CDH10: variants seen among roughly 807,000 people sequenced by gnomAD.
The protein encoded by CDH10 is cadherin 10, also known as cadherin-10.
A neutral mutation model predicts 73.1 loss-of-function variants in CDH10; 30 were observed. That is an observed-to-expected ratio of 0.41 (90% CI 0.31 to 0.56). The LOEUF is 0.56. CDH10 is among the 20% of genes least tolerant of loss of function. The pLI, the probability that CDH10 is intolerant of heterozygous loss-of-function variation, is 0.27. For missense variants in CDH10, 815 were observed against 973.7 expected (o/e 0.84, Z 2.17); for synonymous variants, 345 against 348.2 (o/e 0.99, Z 0.10).
intron 2 of CDH10, among the ~76,000 whole-genome samples, chr5:24,557,048 G>T (rs1744792851): frequency 6.6e-6 from 1 of 151,688 alleles, no homozygotes; most frequent in Admixed American, 6.6e-5. Context: ...AAACTCATTT[G>T]ATGTGCTTAA....
intron 1 of CDH10, among the ~76,000 whole-genome samples, chr5:24,599,189 AG>A (rs1366912054): frequency 6.6e-6 from 1 of 152,128 alleles, no homozygotes; most frequent in Non-Finnish European, 1.5e-5. Context: ...TACTGTAGCT[AG>A]GATTTATTTC....
intron 5 of CDH10, among the ~76,000 whole-genome samples, chr5:24,523,906 A>G (rs925901785): frequency 2.6e-5 from 4 of 152,228 alleles, no homozygotes; most frequent in African/African-American, 9.6e-5. Context: ...ATACAATATA[A>G]CTATATTGAT....
At chr5:24,494,988 T>C (rs549805870) in intron 9 of CDH10, among the ~76,000 whole-genome samples, 15 of 152,294 alleles carry the variant, frequency 9.8e-5, no homozygotes, top group East Asian at 9.7e-4. Context: ...ACTTCTAGTG[T>C]TCAATTTCTT....
At chr5:24,503,519 C>T (rs1742573894) in intron 8 of CDH10, among the ~76,000 whole-genome samples, 2 of 152,194 alleles carry the variant, frequency 1.3e-5, no homozygotes, top group South Asian at 2.1e-4. Context: ...TTTTAACAAG[C>T]ACCTGACATT....
At chr5:24,546,316 T>C (rs974431588) in intron 2 of CDH10, among the ~76,000 whole-genome samples, 1 of 152,134 alleles carries the variant, frequency 6.6e-6, no homozygotes, top group Admixed American at 6.6e-5. Context: ...AGGTTAACTT[T>C]CTGTGTTTTC....
At chr5:24,598,458 A>G (rs1561188366) in intron 1 of CDH10, among the ~76,000 whole-genome samples, 1 of 152,024 alleles carries the variant, frequency 6.6e-6, no homozygotes, top group Non-Finnish European at 1.5e-5. Context: ...AAAGTGTTAA[A>G]CAAGTATTTT....
chr5:24,495,677 C>CCT (rs1742252399), intron 9 of CDH10, among the ~76,000 whole-genome samples: 1 of 151,288 alleles, frequency 6.6e-6, no homozygotes, highest in Non-Finnish European at 1.5e-5. Context: ...TGAAACCCTG[C>CCT]CTCTACTAAA....
chr5:24,488,770 AAAAT>A (rs1741937576), intron 11 of CDH10, among the ~76,000 whole-genome samples: 2 of 150,194 alleles, frequency 1.3e-5, no homozygotes, highest in Non-Finnish European at 3.0e-5. Flanking sequence ...TGTTTCCATG[AAAAT>A]ATATACCTTG....
intron 1 of CDH10, among the ~76,000 whole-genome samples, chr5:24,624,480 C>T (rs1018030036): frequency 1.1e-4 from 16 of 152,124 alleles, no homozygotes; most frequent in African/African-American, 3.1e-4. Flanking sequence ...AGGTGACACA[C>T]TGGGTATGGT....
chr5:24,590,910 A>C (rs1746178856), intron 2 of CDH10, among the ~76,000 whole-genome samples: 1 of 152,062 alleles, frequency 6.6e-6, no homozygotes, highest in African/African-American at 2.4e-5. Context: ...GAGGCATTGA[A>C]ACACTTATCA....
At chr5:24,538,894 G>GTTTTTC (rs1407680177) in intron 2 of CDH10, among the ~76,000 whole-genome samples, 1 of 151,958 alleles carries the variant, frequency 6.6e-6, no homozygotes, top group Non-Finnish European at 1.5e-5. Context: ...GAAGTGTAAG[G>GTTTTTC]TTTTTCTTTC....
At chr5:24,612,255 T>C (rs923781806) in intron 1 of CDH10, 2 of 152,192 alleles carry the variant, frequency 1.3e-5, no homozygotes, top group Admixed American at 1.3e-4. Flanking sequence ...TGATCATATG[T>C]GTGTGAAGGG....
chr5:24,493,743 C>T (rs990739560), intron 9 of CDH10, among the ~76,000 whole-genome samples: 2 of 151,694 alleles, frequency 1.3e-5, no homozygotes, highest in African/African-American at 4.8e-5. Flanking sequence ...AAGATGGCCT[C>T]AAAAGTTGTT....
At chr5:24,640,900 CAA>C in intron 1 of CDH10, among the ~76,000 whole-genome samples, 1 of 151,792 alleles carries the variant, frequency 6.6e-6, no homozygotes, top group South Asian at 2.1e-4. Flanking sequence ...TTAAAAAAAT[CAA>C]GAGTTACTTT....
chr5:24,509,477 G>T (rs557165260), intron 7 of CDH10, 89 bp downstream of exon 7: 2 of 1,164,210 alleles, frequency 1.7e-6, no homozygotes, highest in Non-Finnish European at 2.5e-6. Context: ...CTGACCTCGT[G>T]ATCCACCCGC....
chr5:24,594,601 G>C (rs1746309121), intron 1 of CDH10, among the ~76,000 whole-genome samples: 1 of 151,642 alleles, frequency 6.6e-6, no homozygotes, highest in South Asian at 2.1e-4. Flanking sequence ...CCAGCCACAG[G>C]GTCCTTCTTG....
At position 24,487,756 on chromosome 5, in the gene CDH10, T is replaced by A; in HGVS notation, c.2274A>T (p.Gly758=). The part of the protein sequence containing the change: ...LSSLESGTTE[G]DQNYDYLREW... ...CTCGGAGGTAATCGTAGTTTTGGTCTCCTTCAGTAGTACCTGATTCTAATG... is the reference window on the plus strand; with the variant it reads ...CTCGGAGGTAATCGTAGTTTTGGTCACCTTCAGTAGTACCTGATTCTAATG... Residue 758 remains glycine, a synonymous_variant, in exon 12 of 12, where the codon GGA becomes GGT. Coordinates refer to ENST00000264463, the MANE Select transcript of CDH10 (RefSeq NM_006727.5). 1 of 1,613,942 alleles carries A rather than the reference T, an allele frequency of 6.2e-7. No homozygotes were observed. Among genetic ancestry groups the A allele is most frequent in the Middle Eastern group, 1.7e-4 (1 of 6,060 alleles).
chr5:24,504,987 C>T, intron 8 of CDH10, 125 bp downstream of exon 8: 1 of 695,020 alleles, frequency 1.4e-6, no homozygotes, highest in Non-Finnish European at 2.3e-6. Flanking sequence ...AATTAAAATT[C>T]ATCTGTCCAA....
intron 2 of CDH10, among the ~76,000 whole-genome samples, chr5:24,586,332 C>G (rs1397041982): frequency 1.3e-5 from 2 of 151,446 alleles, no homozygotes; most frequent in Non-Finnish European, 2.9e-5. Context: ...GATTAGAGCT[C>G]TAAAGAGAGA....
Sources: allele counts gnomAD v4.1 joint callset (sites outside exome capture counted in the v4.1 genomes callset), GRCh38; gene constraint gnomAD v4.1.1; transcripts MANE v1.5; gene names NCBI Gene and HGNC (gene_info 2026-07-23, HGNC 2026-07-21).